The following TENT5D variants were observed in gnomAD, a reference collection of about 807,000 sequenced individuals.
The protein encoded by TENT5D is terminal nucleotidyltransferase 5D, also known as cancer/testis antigen 112.
For synonymous variants in TENT5D, 103 were observed against 100.6 expected, an observed-to-expected ratio of 1.02 and a Z score of -0.15; for missense variants, 191 against 287.0, an observed-to-expected ratio of 0.67 and a Z score of 2.42.
chrX:80,408,559 A>G (rs891415230), intron 3 of TENT5D, among the ~76,000 whole-genome samples: 3 of 110,337 alleles, frequency 2.7e-5, no homozygotes, highest in African/African-American at 3.3e-5. Context: ...AAGAAGTTGA[A>G]TCTCTGAATA....
chrX:80,401,588 T>A (rs1490669163), intron 3 of TENT5D, among the ~76,000 whole-genome samples: 7 of 111,903 alleles, frequency 6.3e-5, no homozygotes, highest in African/African-American at 1.9e-4. Context: ...ATTCTTTCTA[T>A]ACCTAATTTT....
chrX:80,409,912 G>T (rs1261451114), intron 3 of TENT5D, among the ~76,000 whole-genome samples: 1 of 107,627 alleles, frequency 9.3e-6, no homozygotes. Flanking sequence ...TAGATCAATG[G>T]AACAGAACAG....
At chrX:80,411,527 A>G (rs998343176) in intron 3 of TENT5D, among the ~76,000 whole-genome samples, 1 of 111,863 alleles carries the variant, frequency 8.9e-6, no homozygotes. Context: ...CTTGCCAAAA[A>G]TTCCTCTTTA....
At chrX:80,407,155 T>G (rs996463544) in intron 3 of TENT5D, among the ~76,000 whole-genome samples, 3 of 107,452 alleles carry the variant, frequency 2.8e-5, no homozygotes, top group Non-Finnish European at 5.8e-5. Flanking sequence ...CATGCCAAAA[T>G]GTAAAGACCA....
exon 3 of TENT5D, chrX:80,444,307 G>T (rs1173831955): frequency 8.2e-6 from 1 of 122,036 alleles, no homozygotes; most frequent in Non-Finnish European, 1.9e-5. Context: ...TCCTACTATA[G>T]TTTAAAGGAA....
chrX:80,375,929 G>A (rs1930716643), intron 3 of TENT5D, among the ~76,000 whole-genome samples: 1 of 111,586 alleles, frequency 9.0e-6, no homozygotes, highest in Non-Finnish European at 1.9e-5. Flanking sequence ...CTTGTAATAA[G>A]TAAGGCAATA....
intron 3 of TENT5D, among the ~76,000 whole-genome samples, chrX:80,401,114 A>G (rs775927863): frequency 8.9e-6 from 1 of 111,771 alleles, no homozygotes; most frequent in East Asian, 2.8e-4. Context: ...TATAGTTTTC[A>G]TTATAAAAGT....
At chrX:80,401,372 A>G (rs1358059995) in intron 3 of TENT5D, among the ~76,000 whole-genome samples, 1 of 111,378 alleles carries the variant, frequency 9.0e-6, no homozygotes, top group Non-Finnish European at 1.9e-5. Flanking sequence ...CAAAAATTTC[A>G]CCTCTTTTCC....
At chrX:80,383,882 A>T (rs1048355495) in intron 3 of TENT5D, among the ~76,000 whole-genome samples, 10 of 111,537 alleles carry the variant, frequency 9.0e-5, no homozygotes, top group Non-Finnish European at 1.9e-4. Flanking sequence ...TGAATCTCTG[A>T]AAAGACCAAT....
rs143862091 is a variant in TENT5D, at chrX:80,443,093, A to T, written c.554A>T (p.Asp185Val). The change falls in exon 3 of 3, where the codon GAC becomes GTC. Residue 185 changes from aspartate to valine, a missense_variant. Coordinates refer to ENST00000308293, the Ensembl canonical transcript of TENT5D. ...CAAATTGTTTTGGATCCCATGTTAGACTTCTACAGTGACAAAAATGCCAAG... is the reference window on the plus strand; with the variant it reads ...CAAATTGTTTTGGATCCCATGTTAGTCTTCTACAGTGACAAAAATGCCAAG... 150 of 1,209,143 alleles carry T rather than the reference A, an allele frequency of 1.2e-4. No individual in the cohort carries two copies. Among genetic ancestry groups the T allele is most frequent in the Non-Finnish European group, 1.6e-4 (139 of 894,715 alleles).
At chrX:80,392,492 A>ATTTTTTTT (rs1931150145) in intron 3 of TENT5D, among the ~76,000 whole-genome samples, 2 of 23,700 alleles carry the variant, frequency 8.4e-5, no homozygotes, top group Admixed American at 5.3e-4. Flanking sequence ...TTCTCATTTT[A>ATTTTTTTT]TTCTTTTTTT....
chrX:80,343,732 G>A (rs1930006737), intron 3 of TENT5D, among the ~76,000 whole-genome samples: 1 of 111,304 alleles, frequency 9.0e-6, no homozygotes, highest in Non-Finnish European at 1.9e-5. Context: ...TGGACACCTG[G>A]AACCAACAGA....
intron 3 of TENT5D, among the ~76,000 whole-genome samples, chrX:80,360,831 G>T (rs1930393149): frequency 8.9e-6 from 1 of 111,934 alleles, no homozygotes; most frequent in Admixed American, 9.5e-5. Flanking sequence ...TCCAAGTCAA[G>T]CAAATTAGTT....
At chrX:80,339,872 T>TAGAGAG (rs745730739) in intron 2 of TENT5D, among the ~76,000 whole-genome samples, 4 of 103,913 alleles carry the variant, frequency 3.8e-5, no homozygotes, top group Admixed American at 1.1e-4. Flanking sequence ...TATATATATA[T>TAGAGAG]AGAGAGAGAG....
At chrX:80,337,701 C>G (rs1204380796) in intron 2 of TENT5D, among the ~76,000 whole-genome samples, 1 of 111,687 alleles carries the variant, frequency 9.0e-6, no homozygotes, top group Non-Finnish European at 1.9e-5. Context: ...TCTGGATATG[C>G]TTATTTTATC....
At chrX:80,347,880 T>C (rs1930098235) in intron 3 of TENT5D, among the ~76,000 whole-genome samples, 1 of 112,206 alleles carries the variant, frequency 8.9e-6, no homozygotes, top group African/African-American at 3.2e-5. Context: ...TGGTTTCTGT[T>C]TTCTGCATGT....
chrX:80,401,389 G>T (rs1931387132), intron 3 of TENT5D, among the ~76,000 whole-genome samples: 1 of 111,570 alleles, frequency 9.0e-6, no homozygotes, highest in Non-Finnish European at 1.9e-5. Flanking sequence ...TTCCTGTTTA[G>T]ATGCCTTTTA....
chrX:80,409,826 A>G (rs1293818461), intron 3 of TENT5D, among the ~76,000 whole-genome samples: 2 of 102,751 alleles, frequency 1.9e-5, no homozygotes, highest in African/African-American at 3.6e-5. Flanking sequence ...TGGAGGCATC[A>G]CACTACCTGA....
At chrX:80,443,658 C>G in exon 3 of TENT5D, 1 of 1,204,817 alleles carries the variant, frequency 8.3e-7, no homozygotes, top group Non-Finnish European at 1.1e-6. Context: ...CCCCCGTTAG[C>G]TTCCAGCCAT....
Sources: allele counts gnomAD v4.1 joint callset (sites outside exome capture counted in the v4.1 genomes callset), GRCh38; gene constraint gnomAD v4.1.1; transcripts MANE v1.5; gene names NCBI Gene and HGNC (gene_info 2026-07-23, HGNC 2026-07-21).